The following CENPC variants were observed in gnomAD, a reference collection of about 807,000 sequenced individuals.
The protein encoded by CENPC is centromere protein C, also known as CENP-C 1.
A neutral mutation model predicts 112.1 loss-of-function variants in CENPC; 63 were observed. The observed-to-expected ratio is 0.56, with a 90% CI of 0.46 to 0.69. The LOEUF (loss-of-function observed/expected upper bound fraction) is 0.69. CENPC is among the 30% of genes least tolerant of loss of function. CENPC has a pLI of 0.00. For synonymous variants in CENPC, 333 were observed against 367.6 expected (o/e 0.91, Z 1.08); for missense variants, 1,000 against 1,103.8 (o/e 0.91, Z 1.33).
At chr4:67,495,113 A>T (rs1258424467) in intron 13 of CENPC, 46 bp downstream of exon 13, 1 of 1,410,882 alleles carries the variant, frequency 7.1e-7, no homozygotes, top group Non-Finnish European at 9.5e-7. Context: ...CAGAAACTTA[A>T]GGTATTTTTC....
intron 12 of CENPC, among the ~76,000 whole-genome samples, chr4:67,500,237 T>C (rs1205660955): frequency 6.6e-6 from 1 of 151,268 alleles, no homozygotes; most frequent in Non-Finnish European, 1.5e-5. Flanking sequence ...TTGTGAAAAA[T>C]GCAGTATCTC....
At chr4:67,514,797 A>T in intron 7 of CENPC, 110 bp from the exon 8 acceptor site, 1 of 1,068,724 alleles carries the variant, frequency 9.4e-7, no homozygotes, top group Non-Finnish European at 1.3e-6. Flanking sequence ...AACTGTTTAT[A>T]TATCTCCTCA....
At chr4:67,484,217 G>A (rs552140790) in intron 17 of CENPC, among the ~76,000 whole-genome samples, 1 of 152,274 alleles carries the variant, frequency 6.6e-6, no homozygotes, top group African/African-American at 2.4e-5. Flanking sequence ...ACAGAAACAC[G>A]CTGTACAGGT....
At chr4:67,535,811 A>G (rs1350752178) in intron 4 of CENPC, among the ~76,000 whole-genome samples, 1 of 152,140 alleles carries the variant, frequency 6.6e-6, no homozygotes, top group African/African-American at 2.4e-5. Context: ...AAGCCAATAA[A>G]TAATAGCAAA....
intron 17 of CENPC, among the ~76,000 whole-genome samples, chr4:67,478,181 T>C (rs1315965665): frequency 2.6e-5 from 4 of 152,104 alleles, no homozygotes; most frequent in Admixed American, 6.5e-5. Context: ...GACATCCAAA[T>C]ACAAGAAGTT....
chr4:67,491,509 A>AGAGAGAGAGAGAGAGG, intron 16 of CENPC, among the ~76,000 whole-genome samples: 1 of 137,968 alleles, frequency 7.2e-6, no homozygotes, highest in African/African-American at 2.7e-5. Flanking sequence ...AGAGAGAGAG[A>AGAGAGAGAGAGAGAGG]GAGAGAGAGA....
Position 67,472,379 on chromosome 4 carries a change from T to C in CENPC, c.*226A>G, listed in dbSNP as rs890483659. 2.5e-6 allele frequency: 1 copy of C among 399,356 alleles called. No homozygotes were observed. Among genetic ancestry groups the C allele is most frequent in the African/African-American group, 2.1e-5 (1 of 48,210 alleles). 24.7% of individuals were successfully genotyped at this position (399,356 alleles called of 1,614,324 possible). A position where few individuals can be genotyped will look rare whatever the true frequency, so the allele number is the denominator to read the frequency against. ...TCATATTCTTGTCAAATTATAAAAA[T>C]AATATCATAAATATGGACATCGCTA... is the stretch of plus-strand genomic sequence containing the variant. On this transcript the variant is annotated 3_prime_UTR_variant, in exon 19 of 19. Coordinates refer to ENST00000273853, the MANE Select transcript of CENPC (RefSeq NM_001812.4).
intron 12 of CENPC, among the ~76,000 whole-genome samples, chr4:67,501,509 A>G (rs1204915848): frequency 6.6e-6 from 1 of 152,154 alleles, no homozygotes; most frequent in East Asian, 1.9e-4. Flanking sequence ...TGTTGAAGGA[A>G]ACTAAGGGAC....
At chr4:67,539,813 C>T (rs1266308454) in intron 4 of CENPC, 27 bp downstream of exon 4, 9 of 1,232,570 alleles carry the variant, frequency 7.3e-6, no homozygotes, top group Non-Finnish European at 1.0e-5. Context: ...AATATTAAAC[C>T]TATACCAGCT....
chr4:67,530,941 G>C (rs758217207), intron 4 of CENPC, 27 bp from the exon 5 acceptor site: 4 of 1,191,722 alleles, frequency 3.4e-6, no homozygotes, highest in Non-Finnish European at 4.8e-6. Flanking sequence ...TACAACATTA[G>C]AACTATTTTA....
At chr4:67,542,890 G>T (rs1233366685) in intron 2 of CENPC, among the ~76,000 whole-genome samples, 1 of 152,144 alleles carries the variant, frequency 6.6e-6, no homozygotes, top group Non-Finnish European at 1.5e-5. Flanking sequence ...GATCAGATTT[G>T]CCAAGGTGAT....
rs143559675 is a variant in CENPC, at chr4:67,542,433, A to C, written c.66-1383T>G. Among the ~76,000 whole-genome samples the C allele has an allele frequency of 9.4e-4, 143 of 152,316 alleles. 1 individual carries two copies. Among genetic ancestry groups the C allele is most frequent in the African/African-American group, 3.3e-3 (136 of 41,578 alleles). On this transcript the variant is annotated intron_variant, in intron 2 of 18. Coordinates refer to ENST00000273853, the MANE Select transcript of CENPC (RefSeq NM_001812.4). ...AATTAAAAACTGTGAGCCACAGTGC[A>C]TTATCAGGTCATCCATCATAAAGTT...
At chr4:67,504,119 C>T (rs2109791547) in intron 12 of CENPC, among the ~76,000 whole-genome samples, 1 of 142,248 alleles carries the variant, frequency 7.0e-6, no homozygotes, top group Non-Finnish European at 1.5e-5. Flanking sequence ...AAGAACGTAG[C>T]TAGTAAGTAG....
At chr4:67,489,248 T>A (rs894112790) in intron 17 of CENPC, among the ~76,000 whole-genome samples, 2 of 151,172 alleles carry the variant, frequency 1.3e-5, no homozygotes, top group African/African-American at 4.9e-5. Flanking sequence ...CAGACCAATG[T>A]TGCAGAGGTG....
intron 11 of CENPC, among the ~76,000 whole-genome samples, chr4:67,505,622 T>A (rs536941736): frequency 1.1e-3 from 162 of 152,318 alleles, no homozygotes; most frequent in African/African-American, 3.7e-3. Flanking sequence ...TGTAAATAGT[T>A]GTTATACTGT....
chr4:67,535,721 G>A (rs555197953), intron 4 of CENPC, among the ~76,000 whole-genome samples: 23 of 152,160 alleles, frequency 1.5e-4, no homozygotes, highest in East Asian at 3.9e-4. Flanking sequence ...AAATTATGAT[G>A]TACTAAAGAA....
At chr4:67,491,324 C>T (rs1328793397) in intron 16 of CENPC, among the ~76,000 whole-genome samples, 1 of 150,736 alleles carries the variant, frequency 6.6e-6, no homozygotes, top group African/African-American at 2.4e-5. Flanking sequence ...CAAGCACCCA[C>T]CACCACGCCC....
At chr4:67,516,518 C>A (rs1012613726) in intron 7 of CENPC, among the ~76,000 whole-genome samples, 1 of 151,936 alleles carries the variant, frequency 6.6e-6, no homozygotes, top group African/African-American at 2.4e-5. Flanking sequence ...ATGAAAATGC[C>A]TTCTCTATTC....
chr4:67,543,976 A>T (rs1412200781), intron 2 of CENPC, among the ~76,000 whole-genome samples, 173 bp downstream of exon 2: 1 of 152,142 alleles, frequency 6.6e-6, no homozygotes, highest in Admixed American at 6.6e-5. Context: ...CACAGCCACA[A>T]AGTCATTGCA....
Sources: allele counts gnomAD v4.1 joint callset (sites outside exome capture counted in the v4.1 genomes callset), GRCh38; gene constraint gnomAD v4.1.1; transcripts MANE v1.5; gene names NCBI Gene and HGNC (gene_info 2026-07-23, HGNC 2026-07-21).